Variants in SPOCK1 observed in about 807,000 individuals in gnomAD.
SPOCK1 encodes SPARC (osteonectin), cwcv and kazal like domains proteoglycan 1.
SPOCK1 carries 23 observed loss-of-function variants against 55.3 expected under a neutral mutation model. That is an observed-to-expected ratio of 0.42 (90% CI 0.30 to 0.59). SPOCK1 has a LOEUF of 0.59. SPOCK1 is among the 20% of genes least tolerant of loss of function. SPOCK1 has a pLI of 0.22. For missense variants in SPOCK1, 499 were observed against 552.5 expected (o/e 0.90, Z 0.97); for synonymous variants, 226 against 221.0 (o/e 1.02, Z -0.20).
chr5:137,344,264 G>A (rs969582137), intron 2 of SPOCK1, among the ~76,000 whole-genome samples: 4 of 152,230 alleles, frequency 2.6e-5, no homozygotes, highest in African/African-American at 7.2e-5. Flanking sequence ...CTTAATTAAA[G>A]TCCATCCTGT....
In SPOCK1 at chr5:137,020,052, G is replaced by A. The variant is rs78899919; in HGVS notation, c.590-27452C>T. ...ATTACAAACTAAGAGAATAGAATAG[G>A]GTGGTTATCTTTAAGACTAATGAGC... is the stretch of plus-strand genomic sequence containing the variant. On this transcript the variant is annotated intron_variant, in intron 6 of 10. Transcript: ENST00000394945. Among the ~76,000 whole-genome samples the A allele has an allele frequency of 5.2e-3, 783 of 151,460 alleles. 11 individuals are homozygous for A. Among genetic ancestry groups the A allele is most frequent in the African/African-American group, 0.018 (750 of 41,384 alleles).
At chr5:137,046,591 C>T (rs1752110564) in intron 6 of SPOCK1, among the ~76,000 whole-genome samples, 1 of 100,392 alleles carries the variant, frequency 1.0e-5, no homozygotes, top group African/African-American at 3.7e-5. Flanking sequence ...CAAACAGGGA[C>T]AATTTGACTT....
chr5:137,264,656 A>T (rs1756810526), intron 3 of SPOCK1, among the ~76,000 whole-genome samples: 1 of 151,710 alleles, frequency 6.6e-6, no homozygotes, highest in African/African-American at 2.4e-5. Context: ...AGAGGAAATG[A>T]CTCCTCTCTT....
intron 3 of SPOCK1, among the ~76,000 whole-genome samples, chr5:137,189,408 T>C (rs546080044): frequency 2.0e-5 from 3 of 152,320 alleles, no homozygotes; most frequent in South Asian, 4.1e-4. Flanking sequence ...CCAGAAATCA[T>C]AGGGCCTTTA....
chr5:136,992,541 G>A lies in SPOCK1; in HGVS notation c.649C>T (p.Leu217Phe), dbSNP rs867935758. 1 of 1,613,938 alleles carries A rather than the reference G, an allele frequency of 6.2e-7. No individual in the cohort carries two copies. Among genetic ancestry groups the A allele is most frequent in the Non-Finnish European group, 8.5e-7 (1 of 1,179,914 alleles). ...ATGACTCTGTTCGCATCCTCGTGGA[G>A]AGCTCCAAACCAATCCTTCAGCCGG... is the stretch of plus-strand genomic sequence containing the variant. ...ASRLKDWFGA[L>F]HEDANRVIKP... Residue 217 changes from leucine to phenylalanine, a missense_variant, in exon 7 of 11, where the codon CTC (leucine) becomes TTC (phenylalanine). This residue lies in a region of SPOCK1 where 386 missense variants were observed against 400.6 expected (regional missense o/e 0.96). Coordinates refer to ENST00000394945, the MANE Select transcript of SPOCK1 (RefSeq NM_004598.4).
chr5:137,136,886 C>A (rs1029119711), intron 4 of SPOCK1, among the ~76,000 whole-genome samples: 1 of 152,120 alleles, frequency 6.6e-6, no homozygotes, highest in African/African-American at 2.4e-5. Context: ...AAAGAGAATT[C>A]TCCAAAGAGA....
chr5:137,391,304 T>G (rs1324871769), intron 2 of SPOCK1, among the ~76,000 whole-genome samples: 1 of 152,180 alleles, frequency 6.6e-6, no homozygotes, highest in East Asian at 1.9e-4. Context: ...CTATCACTGA[T>G]GGACATTTGG....
chr5:137,448,874 G>A (rs1292425106), intron 2 of SPOCK1, among the ~76,000 whole-genome samples: 5 of 152,170 alleles, frequency 3.3e-5, no homozygotes, highest in Non-Finnish European at 7.3e-5. Flanking sequence ...CGTGGGGCAG[G>A]GCCCTATCAG....
chr5:137,053,786 C>G (rs1200019643), intron 6 of SPOCK1, among the ~76,000 whole-genome samples: 1 of 152,160 alleles, frequency 6.6e-6, no homozygotes, highest in African/African-American at 2.4e-5. Flanking sequence ...GTTATAAAAG[C>G]AAAAGCTTTC....
chr5:137,421,404 G>T (rs1231987211), intron 2 of SPOCK1, among the ~76,000 whole-genome samples: 1 of 152,172 alleles, frequency 6.6e-6, no homozygotes, highest in Non-Finnish European at 1.5e-5. Flanking sequence ...GGGTGTTAAA[G>T]TCTCCCATTA....
intron 6 of SPOCK1, among the ~76,000 whole-genome samples, chr5:137,063,196 G>A (rs1435568998): frequency 1.4e-5 from 2 of 146,272 alleles, no homozygotes; most frequent in South Asian, 2.2e-4. Context: ...TTGCGCCACT[G>A]CAGTCCGCAG....
At chr5:137,421,162 C>T (rs1427482598) in intron 2 of SPOCK1, among the ~76,000 whole-genome samples, 1 of 152,134 alleles carries the variant, frequency 6.6e-6, no homozygotes. Context: ...GTCTGAGAGA[C>T]AGTTTGTTAT....
intron 2 of SPOCK1, among the ~76,000 whole-genome samples, chr5:137,459,268 G>A (rs1008087046): frequency 2.0e-5 from 3 of 152,254 alleles, no homozygotes; most frequent in South Asian, 2.1e-4. Context: ...TCAAATCAAT[G>A]CCAGAAGCAA....
At chr5:137,446,366 C>G (rs996418018) in intron 2 of SPOCK1, among the ~76,000 whole-genome samples, 4 of 152,056 alleles carry the variant, frequency 2.6e-5, no homozygotes, top group African/African-American at 9.7e-5. Flanking sequence ...CTCCAGAGAG[C>G]TGTTGGGCCA....
intron 6 of SPOCK1, among the ~76,000 whole-genome samples, chr5:137,027,694 C>T (rs1751704350): frequency 6.6e-6 from 1 of 152,166 alleles, no homozygotes; most frequent in Non-Finnish European, 1.5e-5. Context: ...TCTCTCCAGG[C>T]ATGGGGAGGC....
At chr5:137,061,747 A>AGG (rs1752396780) in intron 6 of SPOCK1, among the ~76,000 whole-genome samples, 1 of 7,658 alleles carries the variant, frequency 1.3e-4, no homozygotes, top group African/African-American at 5.3e-4. Context: ...GATAGAGTGG[A>AGG]GGGGGCGGGT....
intron 2 of SPOCK1, among the ~76,000 whole-genome samples, chr5:137,374,376 T>C (rs1365620781): frequency 2.6e-5 from 4 of 152,126 alleles, no homozygotes; most frequent in Admixed American, 6.5e-5. Context: ...AGGTACATAG[T>C]GAAAAATGGG....
At chr5:137,139,065 T>C (rs1377922192) in intron 4 of SPOCK1, among the ~76,000 whole-genome samples, 1 of 152,190 alleles carries the variant, frequency 6.6e-6, no homozygotes, top group African/African-American at 2.4e-5. Context: ...AGGAAACAGG[T>C]GCTGAGCACA....
At chr5:137,214,028 C>T (rs898395085) in intron 3 of SPOCK1, among the ~76,000 whole-genome samples, 11 of 152,200 alleles carry the variant, frequency 7.2e-5, no homozygotes, top group South Asian at 2.1e-4. Context: ...TCAAGTGCAA[C>T]GGCCTTTGTC....
Sources: gnomAD v4.1 joint callset for allele counts (sites outside exome capture counted in the v4.1 genomes callset) on GRCh38, gnomAD v4.1.1 for gene constraint, gnomAD v4.1.1 regional missense constraint, MANE v1.5 for transcripts, NCBI Gene and HGNC (gene_info 2026-07-23, HGNC 2026-07-21) for gene names.